The following KIDINS220 variants were observed in gnomAD, a reference collection of about 807,000 sequenced individuals.
KIDINS220 encodes kinase D interacting substrate 220, also known as kinase D-interacting substrate of 220 kDa.
KIDINS220 carries 63 observed loss-of-function variants against 157.6 expected under a neutral mutation model. That is an observed-to-expected ratio of 0.40 (90% CI 0.33 to 0.49). The LOEUF is 0.49. Among genes scored for constraint, KIDINS220 ranks in the 20% least tolerant of loss-of-function variants. The pLI is 0.66. For missense variants in KIDINS220, 1,772 were observed against 2,171.2 expected (o/e 0.82, Z 3.65); for synonymous variants, 732 against 783.6 (o/e 0.93, Z 1.10).
chr2:8,771,097 G>A (rs999240802), intron 21 of KIDINS220, among the ~76,000 whole-genome samples: 10 of 152,072 alleles, frequency 6.6e-5, no homozygotes, highest in African/African-American at 1.7e-4. Context: ...CTTCGACCAC[G>A]TATATGCAGG....
intron 4 of KIDINS220, among the ~76,000 whole-genome samples, chr2:8,814,961 C>T (rs935741262): frequency 1.3e-5 from 2 of 152,212 alleles, no homozygotes; most frequent in East Asian, 1.9e-4. Flanking sequence ...CTGATGAGTA[C>T]TCCTCTAAAG....
chr2:8,734,733 C>T lies in KIDINS220; in HGVS notation c.3738G>A (p.Val1246=). Residue 1246 remains valine (V), a synonymous_variant, in exon 28 of 30, where the codon GTG becomes GTA. Coordinates refer to ENST00000256707, the MANE Select transcript of KIDINS220 (RefSeq NM_020738.4). The part of the protein sequence containing the change: ...TIKKANINGR[V]LAQCNIDELK... ...GCTCATCAATGTTACACTGAGCTAA[C>T]ACACGGCCATTTATGTTTGCCTGAG... 6.2e-7 allele frequency: 1 copy of T among 1,612,274 alleles called. No homozygotes were observed. The highest frequency in any genetic ancestry group is 1.1e-5 in the South Asian group (1 of 90,456).
At chr2:8,754,879 T>TA (rs1430879664) in intron 22 of KIDINS220, among the ~76,000 whole-genome samples, 1 of 152,210 alleles carries the variant, frequency 6.6e-6, no homozygotes, top group African/African-American at 2.4e-5. Flanking sequence ...AGTAGGATGT[T>TA]AAAAAATAAG....
intron 20 of KIDINS220, among the ~76,000 whole-genome samples, chr2:8,777,295 A>AT (rs1323537525): frequency 2.6e-5 from 4 of 152,046 alleles, no homozygotes; most frequent in Admixed American, 2.6e-4. Context: ...CAGCATTTTG[A>AT]TTTTTAGGTT....
intron 22 of KIDINS220, chr2:8,757,341 A>AC (rs1338973988): frequency 1.9e-6 from 2 of 1,050,292 alleles, no homozygotes; most frequent in Non-Finnish European, 1.2e-6. Flanking sequence ...AAGATGAATT[A>AC]CCCTTTCAAC....
chr2:8,788,905 G>T, intron 14 of KIDINS220, 93 bp from the exon 15 acceptor site: 1 of 1,066,384 alleles, frequency 9.4e-7, no homozygotes, highest in Non-Finnish European at 1.4e-6. Context: ...TGAGAGCTAA[G>T]CTTACATAGC....
chr2:8,785,643 T>C, intron 17 of KIDINS220, 98 bp downstream of exon 17: 1 of 990,488 alleles, frequency 1.0e-6, no homozygotes, highest in Non-Finnish European at 1.5e-6. Flanking sequence ...AATGCAACAC[T>C]TTAACATTTA....
At chr2:8,755,773 C>G (rs1667936160) in intron 22 of KIDINS220, among the ~76,000 whole-genome samples, 1 of 152,192 alleles carries the variant, frequency 6.6e-6, no homozygotes, top group Admixed American at 6.5e-5. Context: ...GCATCCTTGC[C>G]AAAACCCAAC....
At position 8,813,262 on chromosome 2, in the gene KIDINS220, C is replaced by G; in HGVS notation, c.380G>C (p.Gly127Ala). The G allele has an allele frequency of 2.5e-6, 4 of 1,613,154 alleles. No homozygotes were observed. Among genetic ancestry groups the G allele is most frequent in the South Asian group, 1.1e-5 (1 of 90,880 alleles). The change falls in exon 5 of 30, where the codon GGT becomes GCT. Residue 127 changes from glycine (G) to alanine (A), a missense_variant. Gly to Ala is a moderately conservative substitution (Grantham distance 60). This residue lies in a region of KIDINS220 where 254 missense variants were observed against 268.6 expected (regional missense o/e 0.95). Transcript: ENST00000256707. ...CAGACCAGTGACACTTGGATTGGCA[C>G]CATGAGAAAGAAGCAACTCTACTAC... The part of the protein sequence containing the change: ...TDVVELLLSH[G>A]ANPSVTGLYS...
rs1310628567 is a variant in KIDINS220, at chr2:8,733,463, T to C, written c.4034A>G (p.His1345Arg). Residue 1345 changes from histidine to arginine, a missense_variant, in exon 29 of 30, where the codon CAC becomes CGC. Physicochemically the swap from His to Arg is conservative, Grantham distance 29. Around this residue, in one of 3 missense-constraint regions of KIDINS220, gnomAD observed 793 missense variants for 885.5 expected, o/e 0.90. Coordinates refer to ENST00000256707, the MANE Select transcript of KIDINS220 (RefSeq NM_020738.4). Reference protein sequence around the residue: ...TLGLDEGAPRHSNLSWQSQTR... With the variant: ...TLGLDEGAPRRSNLSWQSQTR... ...AAATACCTGCCAACTTAGATTACTG[T>C]GACGAGGGGCACCTTCATCCAGGCC... 6.2e-7 allele frequency: 1 copy of C among 1,613,800 alleles called. No homozygotes were observed. Among genetic ancestry groups the C allele is most frequent in the South Asian group, 1.1e-5 (1 of 91,064 alleles).
At chr2:8,822,517 A>T (rs1678137981) in intron 2 of KIDINS220, among the ~76,000 whole-genome samples, 1 of 152,066 alleles carries the variant, frequency 6.6e-6, no homozygotes, top group South Asian at 2.1e-4. Flanking sequence ...AGTCCTAGCT[A>T]CTCAGGTGGC....
rs924750860 is a variant in KIDINS220, at chr2:8,736,987, C to T, written c.3598G>A (p.Ala1200Thr). The T allele has an allele frequency of 9.3e-6, 15 of 1,614,010 alleles. No homozygotes were observed. The highest frequency in any genetic ancestry group is 5.0e-5 in the Admixed American group (3 of 60,000). The change falls in exon 27 of 30, where the codon GCC (alanine) becomes ACC (threonine). Residue 1200 changes from alanine (A) to threonine (T), a missense_variant. This residue lies in a region of KIDINS220 where 793 missense variants were observed against 885.5 expected (regional missense o/e 0.90). Transcript: ENST00000256707. The stretch of plus-strand genomic sequence containing the variant: ...TTCAGTAATACCACTGGGCCTGGGG[C>T]TGGGCCTGACCCCTAGAGAAGTCAA... Reference protein sequence around the residue: ...PTDSSRGSGPAPGPVVLLNSL... With the variant: ...PTDSSRGSGPTPGPVVLLNSL...
intron 1 of KIDINS220, among the ~76,000 whole-genome samples, chr2:8,828,827 C>T (rs1415555154): frequency 6.6e-6 from 1 of 152,222 alleles, no homozygotes; most frequent in African/African-American, 2.4e-5. Context: ...ATATCCCATG[C>T]CCATTCCCTA....
At chr2:8,744,388 AATATATATATAT>A (rs1666196628) in intron 26 of KIDINS220, among the ~76,000 whole-genome samples, 7 of 26,150 alleles carry the variant, frequency 2.7e-4, no homozygotes, top group Admixed American at 7.3e-4. Context: ...AAAAAAAAAA[AATATATATATAT>A]AATATATATA....
At position 8,785,825 on chromosome 2, in the gene KIDINS220, C is replaced by G. The variant is rs1274533767; in HGVS notation, c.2145G>C (p.Leu715=). 6.2e-7 allele frequency: 1 copy of G among 1,614,108 alleles called. No individual in the cohort carries two copies. Among genetic ancestry groups the G allele is most frequent in the Non-Finnish European group, 8.5e-7 (1 of 1,180,000 alleles). The change falls in exon 17 of 30, where the codon CTG becomes CTC. Residue 715 remains leucine (L), a synonymous_variant. Coordinates refer to ENST00000256707, the MANE Select transcript of KIDINS220 (RefSeq NM_020738.4). ...VLNCRTWWQV[L]DSLLNSQRKR... ...TTCTTTGGGAATTCAGGAGCGAGTC[C>G]AGCACTTGCCACCATGTACGACAGT...
In KIDINS220 at chr2:8,750,140, G is replaced by A. The variant is rs775892620; in HGVS notation, c.3386C>T (p.Thr1129Met). Residue 1129 changes from threonine to methionine, a missense_variant, in exon 24 of 30, where the codon ACG becomes ATG. Transcript: ENST00000256707. ...QPHSSYYSGM[T>M]GPQHPFYNRP... The stretch of plus-strand genomic sequence containing the variant: ...GTTGTAGAAGGGATGCTGAGGGCCC[G>A]TCATGCCGCTGTAATAGCTGCTGTG... The A allele has an allele frequency of 2.0e-5, 32 of 1,613,976 alleles. No homozygotes were observed. Among genetic ancestry groups the A allele is most frequent in the South Asian group, 8.8e-5 (8 of 91,080 alleles).
rs1672311850 is a variant in KIDINS220, at chr2:8,785,760, T to C, written c.2210A>G (p.Lys737Arg). The C allele has an allele frequency of 1.2e-6, 2 of 1,607,330 alleles. No homozygotes were observed. Among genetic ancestry groups the C allele is most frequent in the Non-Finnish European group, 8.5e-7 (1 of 1,178,340 alleles). ...HNAASKLHKLKSEGFMKVLKC... is the reference protein window; with the variant it reads ...HNAASKLHKLRSEGFMKVLKC... ...GCTTACTTTCATGAATCCTTCACTT[T>C]TCAATTTGTGCAGTTTGGAGGCTGC... The change falls in exon 17 of 30, where the codon AAA (lysine) becomes AGA (arginine). Residue 737 changes from lysine (K) to arginine (R), a missense_variant. Lys to Arg is a conservative substitution (Grantham distance 26). This residue lies in a region of KIDINS220 where 725 missense variants were observed against 1,017.1 expected (regional missense o/e 0.71). Transcript: ENST00000256707.
intron 24 of KIDINS220, 50 bp from the exon 25 acceptor site, chr2:8,748,050 A>G: frequency 9.3e-7 from 1 of 1,071,062 alleles, no homozygotes; most frequent in Non-Finnish European, 1.3e-6. Flanking sequence ...CAGAAATGAA[A>G]GTGTAATGAG....
At chr2:8,800,130 G>A (rs886309791) in intron 9 of KIDINS220, 2 of 324,232 alleles carry the variant, frequency 6.2e-6, no homozygotes, top group African/African-American at 4.2e-5. Flanking sequence ...TTATAGTTCT[G>A]AGGATTGAAT....
Sources: allele counts gnomAD v4.1 joint callset (sites outside exome capture counted in the v4.1 genomes callset), GRCh38; gene constraint gnomAD v4.1.1; regional missense constraint gnomAD v4.1.1; transcripts MANE v1.5; gene names NCBI Gene and HGNC (gene_info 2026-07-23, HGNC 2026-07-21).